THAP4: variants seen among roughly 807,000 people sequenced by gnomAD.
THAP4 encodes THAP domain containing 4.
In THAP4, 18 loss-of-function variants were observed where a neutral mutation model predicts 48.1. That is an observed-to-expected ratio of 0.37 (90% CI 0.26 to 0.56). THAP4 has a LOEUF of 0.56. THAP4 is among the 20% of genes least tolerant of loss of function. THAP4 has a pLI of 0.78. For missense variants in THAP4, 656 were observed against 774.9 expected (o/e 0.85, Z 1.82); for synonymous variants, 345 against 324.9 (o/e 1.06, Z -0.66).
At chr2:241,621,971 G>A (rs1022558291) in intron 2 of THAP4, among the ~76,000 whole-genome samples, 12 of 151,686 alleles carry the variant, frequency 7.9e-5, no homozygotes, top group African/African-American at 2.2e-4. Context: ...AACCAAAAAC[G>A]TGCAACTCTA....
At position 241,612,134 on chromosome 2, in the gene THAP4, A is replaced by C. The variant is rs1362656588; in HGVS notation, c.1241-5661T>G. Reference sequence around the variant, plus strand: ...AGGAGAAGGTGAAACATGACCTGGCAGAAGTCGAGAAAGTAAAAGAAAAAA... The same window carrying C: ...AGGAGAAGGTGAAACATGACCTGGCCGAAGTCGAGAAAGTAAAAGAAAAAA... On this transcript the variant is annotated intron_variant, in intron 2 of 5. Coordinates refer to ENST00000407315, the MANE Select transcript of THAP4 (RefSeq NM_015963.6). This position sits in a 1 kb window ranked among gnomAD's most constrained non-coding sequence, Gnocchi z 4.1. Among the ~76,000 whole-genome samples, 1 of 152,210 alleles carries C rather than the reference A, an allele frequency of 6.6e-6. No homozygotes were observed. Among genetic ancestry groups the C allele is most frequent in the Non-Finnish European group, 1.5e-5 (1 of 68,032 alleles).
intron 2 of THAP4, among the ~76,000 whole-genome samples, chr2:241,615,846 CCGACA>C (rs2067334192): frequency 1.3e-5 from 2 of 152,218 alleles, no homozygotes; most frequent in Non-Finnish European, 1.5e-5. Context: ...CCCACGGTTC[CCGACA>C]CATCAGGAGA....
chr2:241,621,616 C>T (rs1284317816), intron 2 of THAP4, among the ~76,000 whole-genome samples: 1 of 149,854 alleles, frequency 6.7e-6, no homozygotes, highest in East Asian at 2.0e-4. Context: ...GAGAAAAAAA[C>T]GGAAAAAAAA....
chr2:241,589,272 G>A (rs1468554700), intron 5 of THAP4, among the ~76,000 whole-genome samples: 1 of 149,858 alleles, frequency 6.7e-6, no homozygotes, highest in Non-Finnish European at 1.5e-5. Flanking sequence ...ACAACATTTG[G>A]TTCTTCAAAT....
chr2:241,636,828 C>T, intron 1 of THAP4, 113 bp downstream of exon 1: 1 of 532,428 alleles, frequency 1.9e-6, no homozygotes, highest in Non-Finnish European at 2.4e-6. Flanking sequence ...CCCCCGCGCC[C>T]CGGCCGCCGA....
intron 2 of THAP4, among the ~76,000 whole-genome samples, chr2:241,609,087 C>CT (rs1245399874): frequency 1.3e-5 from 2 of 152,198 alleles, no homozygotes; most frequent in African/African-American, 4.8e-5. Context: ...AGGTCTCTGA[C>CT]TGCAACCACA....
intron 5 of THAP4, among the ~76,000 whole-genome samples, chr2:241,591,405 A>G (rs2066977519): frequency 1.3e-5 from 2 of 152,250 alleles, no homozygotes; most frequent in Non-Finnish European, 2.9e-5. Context: ...ATGCTTGTCC[A>G]AATGTATCAA....
rs1029947056 is a variant in THAP4 at position 241,636,936 on chromosome 2, C to T, written c.77+5G>A. The T allele has an allele frequency of 1.6e-6, 2 of 1,263,696 alleles. No individual in the cohort carries two copies. Among genetic ancestry groups the T allele is most frequent in the Admixed American group, 5.0e-5 (2 of 40,130 alleles). 78.3% of individuals were successfully genotyped at this position (1,263,696 alleles called of 1,614,324 possible). Reference sequence around the variant, plus strand: ...CGGGGGCGTGGCGGCCCGGGGCCCGCGTACCTGTGGAAGGAGACGGCGCGC... The same window carrying T: ...CGGGGGCGTGGCGGCCCGGGGCCCGTGTACCTGTGGAAGGAGACGGCGCGC... On this transcript the variant is annotated splice_donor_5th_base_variant and intron_variant, in intron 1 of 5. Transcript: ENST00000407315.
chr2:241,591,411 A>T (rs948924316), intron 5 of THAP4, among the ~76,000 whole-genome samples: 4 of 152,240 alleles, frequency 2.6e-5, no homozygotes, highest in African/African-American at 4.8e-5. Context: ...GTCCAAATGT[A>T]TCAAACTGCA....
At chr2:241,593,656 T>C (rs958823095) in intron 5 of THAP4, among the ~76,000 whole-genome samples, 3 of 152,188 alleles carry the variant, frequency 2.0e-5, no homozygotes, top group African/African-American at 7.2e-5. Flanking sequence ...CAGGTTTGCT[T>C]GAAAATGTGT....
At chr2:241,590,112 G>C (rs1325330859) in intron 5 of THAP4, among the ~76,000 whole-genome samples, 4 of 148,922 alleles carry the variant, frequency 2.7e-5, no homozygotes, top group African/African-American at 5.0e-5. Context: ...GGCTGACGAT[G>C]ATGGGCACTA....
rs547350275 is a variant in THAP4 at position 241,615,071 on chromosome 2, T to C, written c.1241-8598A>G. The stretch of plus-strand genomic sequence containing the variant: ...AGACTAGAAATGAAAATCAATCAGG[T>C]GTCCCTTGAAAACACTGCGCGAAAA... On this transcript the variant is annotated intron_variant, in intron 2 of 5. Transcript: ENST00000407315. Among the ~76,000 whole-genome samples, 8 of 152,198 alleles carry C rather than the reference T, an allele frequency of 5.3e-5. No individual in the cohort carries two copies. The East Asian group carries it at 9.6e-4, about 18-fold the overall frequency.
At chr2:241,605,843 G>A (rs779425527) in intron 3 of THAP4, among the ~76,000 whole-genome samples, 5 of 151,440 alleles carry the variant, frequency 3.3e-5, no homozygotes, top group African/African-American at 9.7e-5. Flanking sequence ...TCAGTTTCTC[G>A]AGTAGCTGGG....
Position 241,612,790 on chromosome 2 carries a change from G to A in THAP4, c.1241-6317C>T, listed in dbSNP as rs1290451689. On this transcript the variant is annotated intron_variant, in intron 2 of 5. Coordinates refer to ENST00000407315, the MANE Select transcript of THAP4 (RefSeq NM_015963.6). The surrounding 1 kb of genome is among the most constrained non-coding windows in gnomAD (Gnocchi z 4.1). ...GTGGCAGAAGACGCTAGAGTCACAC[G>A]TAGAAGGCGCATGAGGAGGGAAGGT... Among the ~76,000 whole-genome samples, 3 of 152,136 alleles carry A rather than the reference G, an allele frequency of 2.0e-5. No individual in the cohort carries two copies. Among genetic ancestry groups the A allele is most frequent in the African/African-American group, 4.8e-5 (2 of 41,436 alleles).
chr2:241,614,715 G>A (rs1360844913), intron 2 of THAP4, among the ~76,000 whole-genome samples: 2 of 151,930 alleles, frequency 1.3e-5, no homozygotes, highest in African/African-American at 2.4e-5. Flanking sequence ...ATGAAACCCC[G>A]TCTCTACTAA....
chr2:241,613,289 A>AG (rs1269610944), intron 2 of THAP4, among the ~76,000 whole-genome samples: 2 of 150,970 alleles, frequency 1.3e-5, no homozygotes, highest in Admixed American at 6.6e-5. Flanking sequence ...AAAAAAAAAA[A>AG]GCGGTTATAG....
chr2:241,590,525 G>A (rs2066951675), intron 5 of THAP4, among the ~76,000 whole-genome samples: 1 of 133,492 alleles, frequency 7.5e-6, no homozygotes. Context: ...ACACAGAGCT[G>A]CTCGGCTGAT....
At chr2:241,614,904 AACAAAAAC>A (rs1232166258) in intron 2 of THAP4, among the ~76,000 whole-genome samples, 1 of 151,966 alleles carries the variant, frequency 6.6e-6, no homozygotes, top group Non-Finnish European at 1.5e-5. Flanking sequence ...CAAAAACAAA[AACAAAAAC>A]AAAAACAAAA....
intron 2 of THAP4, among the ~76,000 whole-genome samples, chr2:241,607,884 C>T (rs1429876331): frequency 8.7e-5 from 11 of 126,014 alleles, no homozygotes; most frequent in African/African-American, 2.5e-4. Flanking sequence ...CCTCCAGGCC[C>T]GCGCAAGCAG....
Sources: gnomAD v4.1 joint callset for allele counts (sites outside exome capture counted in the v4.1 genomes callset) on GRCh38, gnomAD v4.1.1 for gene constraint, Gnocchi (gnomAD v3.1) non-coding constraint, MANE v1.5 for transcripts, NCBI Gene and HGNC (gene_info 2026-07-23, HGNC 2026-07-21) for gene names.